The following TNS1 variants were observed in gnomAD, a reference collection of about 807,000 sequenced individuals.
The protein encoded by TNS1 is tensin 1.
In TNS1, 62 loss-of-function variants were observed where a neutral mutation model predicts 168.6. The ratio of observed to expected loss-of-function variants is 0.37; its 90% confidence interval spans 0.30 to 0.45. TNS1 has a LOEUF of 0.45. TNS1 is among the 20% of genes least tolerant of loss of function. The pLI, the probability that TNS1 is intolerant of heterozygous loss-of-function variation, is 1.00. For missense variants in TNS1, 2,240 were observed against 2,339.4 expected (o/e 0.96, Z 0.88); for synonymous variants, 934 against 933.2 (o/e 1.00, Z -0.02).
At chr2:217,805,736 C>T (rs1254359760) in intron 32 of TNS1, among the ~76,000 whole-genome samples, 2 of 78,434 alleles carry the variant, frequency 2.5e-5, no homozygotes, top group East Asian at 5.0e-4. Flanking sequence ...CTGCACACAC[C>T]ACACATACCA....
intron 32 of TNS1, among the ~76,000 whole-genome samples, chr2:217,805,684 C>CACACAACACA (rs1559133225): frequency 3.9e-5 from 4 of 101,292 alleles, no homozygotes; most frequent in Non-Finnish European, 6.4e-5. Flanking sequence ...CACATACACA[C>CACACAACACA]CATCACACAC....
intron 1 of TNS1, among the ~76,000 whole-genome samples, chr2:218,025,694 T>A (rs535392911): frequency 3.8e-4 from 58 of 151,928 alleles, no homozygotes; most frequent in African/African-American, 1.4e-3. Context: ...TTTTTTTTTT[T>A]AATTTCTGTT....
intron 2 of TNS1, among the ~76,000 whole-genome samples, chr2:217,979,757 G>A (rs1170094585): frequency 6.6e-6 from 1 of 152,148 alleles, no homozygotes; most frequent in East Asian, 1.9e-4. Flanking sequence ...CTTGTTGGCT[G>A]CCCAGGACCT....
At chr2:217,829,812 G>A (rs1944153763) in intron 22 of TNS1, 1 of 1,613,554 alleles carries the variant, frequency 6.2e-7, no homozygotes, top group East Asian at 2.2e-5. Flanking sequence ...TCCAGACCCA[G>A]AGAGCAGGAA....
chr2:217,960,458 G>A (rs1440333255), intron 3 of TNS1, among the ~76,000 whole-genome samples: 4 of 152,154 alleles, frequency 2.6e-5, no homozygotes, highest in Admixed American at 6.5e-5. Flanking sequence ...AGGTCTAGGA[G>A]GCTGGCTCCC....
intron 3 of TNS1, among the ~76,000 whole-genome samples, chr2:217,928,856 G>A (rs1169916109): frequency 6.6e-6 from 1 of 152,104 alleles, no homozygotes; most frequent in East Asian, 1.9e-4. Context: ...TAGGCTCCCT[G>A]TCCTGCAAGC....
At chr2:217,915,660 C>T (rs1307828654) in intron 4 of TNS1, among the ~76,000 whole-genome samples, 2 of 152,204 alleles carry the variant, frequency 1.3e-5, no homozygotes, top group Admixed American at 6.5e-5. Context: ...TCAGGAGAAG[C>T]CCATCACCCG....
chr2:217,913,750 C>T (rs1171375026), intron 4 of TNS1, among the ~76,000 whole-genome samples: 3 of 152,118 alleles, frequency 2.0e-5, no homozygotes, highest in Admixed American at 6.5e-5. Flanking sequence ...GGCCCCTTCT[C>T]CCTCCAGCCA....
intron 8 of TNS1, among the ~76,000 whole-genome samples, chr2:217,895,485 C>G (rs1952198428): frequency 6.6e-6 from 1 of 152,210 alleles, no homozygotes; most frequent in Non-Finnish European, 1.5e-5. Flanking sequence ...TCCAGTTCCG[C>G]TTGCCTCTCA....
At chr2:217,850,800 T>C (rs1947380296) in intron 18 of TNS1, among the ~76,000 whole-genome samples, 1 of 151,720 alleles carries the variant, frequency 6.6e-6, no homozygotes, top group Non-Finnish European at 1.5e-5. Flanking sequence ...ACACACTAGG[T>C]GCCACACAAT....
chr2:217,917,096 T>C (rs1457909108), intron 4 of TNS1, among the ~76,000 whole-genome samples: 1 of 152,122 alleles, frequency 6.6e-6, no homozygotes, highest in African/African-American at 2.4e-5. Flanking sequence ...TCTCCCGGTT[T>C]CCCCTGGGCC....
At chr2:217,979,973 G>A (rs1449454138) in intron 2 of TNS1, among the ~76,000 whole-genome samples, 5 of 152,100 alleles carry the variant, frequency 3.3e-5, no homozygotes, top group Non-Finnish European at 7.4e-5. Context: ...AGGCACAGAT[G>A]AATGCCCGGA....
intron 3 of TNS1, among the ~76,000 whole-genome samples, chr2:217,936,246 C>A (rs1956602704): frequency 1.3e-5 from 2 of 152,128 alleles, no homozygotes; most frequent in South Asian, 4.2e-4. Context: ...TGTTCCAGGT[C>A]AGATGGTAAA....
In TNS1 at chr2:217,939,954, G is replaced by A. The variant is rs185466056; in HGVS notation, c.187-19718C>T. 5.4e-3 allele frequency among the ~76,000 whole-genome samples: 821 copies of A among 152,334 alleles called. 9 individuals are homozygous for A. Among genetic ancestry groups the A allele is most frequent in the African/African-American group, 0.018 (768 of 41,560 alleles). The stretch of plus-strand genomic sequence containing the variant: ...GCTCTCTAGCGTCCAGCAACCTCCT[G>A]GACGGGAAAGCGCTCCAGACCATTG... On this transcript the variant is annotated intron_variant, in intron 3 of 32. Coordinates refer to ENST00000682258, the MANE Select transcript of TNS1 (RefSeq NM_001387777.1).
At position 217,803,904 on chromosome 2, in the gene TNS1, C is replaced by T. The variant is rs148998845; in HGVS notation, c.*555G>A. The T allele has an allele frequency of 1.9e-5, 3 of 154,932 alleles. No individual in the cohort carries two copies. Among genetic ancestry groups the T allele is most frequent in the African/African-American group, 4.8e-5 (2 of 41,560 alleles). The allele number at this position is 154,932 out of a possible 1,614,324, so 9.6% of individuals were successfully genotyped here. On this transcript the variant is annotated 3_prime_UTR_variant, in exon 33 of 33. Coordinates refer to ENST00000682258, the MANE Select transcript of TNS1 (RefSeq NM_001387777.1). ...CACCCACACGACAATATAGTGGAGG[C>T]ACAGCAAAGAGACCTGAGGTGCCTT...
At chr2:217,932,720 CA>C (rs1192066636) in intron 3 of TNS1, among the ~76,000 whole-genome samples, 1 of 152,158 alleles carries the variant, frequency 6.6e-6, no homozygotes, top group Admixed American at 6.5e-5. Context: ...TTGTCAAAGT[CA>C]AAGAAAGCAT....
At position 217,818,115 on chromosome 2, in the gene TNS1, C is replaced by T. The variant is rs533811485; in HGVS notation, c.4217G>A (p.Arg1406His). ...CACAGATCCAGACCCTCCGAGGTGA[C>T]GGCCCAGGCTGGGGCTTCCAGGGCT... ...IASPGSPSLG[R>H]HLGGSGSVVP... The change falls in exon 24 of 33, where the codon CGT (arginine) becomes CAT (histidine). Residue 1406 changes from arginine (R) to histidine (H), a missense_variant. Transcript: ENST00000682258. 87 of 1,613,868 alleles carry T rather than the reference C, an allele frequency of 5.4e-5. No homozygotes were observed. The highest frequency in any genetic ancestry group is 3.0e-4 in the South Asian group (27 of 90,980).
At chr2:217,966,288 T>TGG (rs1456043482) in intron 3 of TNS1, among the ~76,000 whole-genome samples, 8 of 148,408 alleles carry the variant, frequency 5.4e-5, no homozygotes, top group Non-Finnish European at 7.4e-5. Context: ...TGTGTGTGTG[T>TGG]GTGTGTGTGT....
At position 217,847,873 on chromosome 2, in the gene TNS1, G is replaced by A. The variant is rs369048650; in HGVS notation, c.2644C>T (p.His882Tyr). Reference sequence around the variant, plus strand: ...CCAGATCTGGACTGGGTCAGTGGATGGGACTGACGGGAGGATCCAGAGAGG... The same window carrying A: ...CCAGATCTGGACTGGGTCAGTGGATAGGACTGACGGGAGGATCCAGAGAGG... ...QPLSGSSRQSHPLTQSRSGYI... is the reference protein window; with the variant it reads ...QPLSGSSRQSYPLTQSRSGYI... Residue 882 changes from histidine (H) to tyrosine (Y), a missense_variant, in exon 19 of 33, where the codon CAT (histidine) becomes TAT (tyrosine). Transcript: ENST00000682258. 3 of 1,569,322 alleles carry A rather than the reference G, an allele frequency of 1.9e-6. No homozygotes were observed. Among genetic ancestry groups the A allele is most frequent in the African/African-American group, 1.3e-5 (1 of 74,132 alleles).
Sources: gnomAD v4.1 joint callset for allele counts (sites outside exome capture counted in the v4.1 genomes callset) on GRCh38, gnomAD v4.1.1 for gene constraint, MANE v1.5 for transcripts, NCBI Gene and HGNC (gene_info 2026-07-23, HGNC 2026-07-21) for gene names.